The following TNN variants were observed in gnomAD, a reference collection of about 807,000 sequenced individuals.
TNN encodes tenascin N.
Under a neutral mutation model 134.4 loss-of-function variants are expected in TNN, and 122 were observed. The observed-to-expected ratio is 0.91, with a 90% CI of 0.78 to 1.06. The LOEUF (loss-of-function observed/expected upper bound fraction) is 1.06, where lower values mean the gene tolerates loss of function less well. TNN is among the 50% of genes least tolerant of loss of function. The pLI is 0.00. For missense variants in TNN, 1,739 were observed against 1,699.4 expected (o/e 1.02, Z -0.41); for synonymous variants, 710 against 670.3 (o/e 1.06, Z -0.91).
rs546539478 is a variant in TNN at position 175,101,337 on chromosome 1, C to T, written c.2119+2742C>T. Among the ~76,000 whole-genome samples, 461 of 151,984 alleles carry T rather than the reference C, an allele frequency of 3.0e-3. 2 individuals are homozygous for T. Among genetic ancestry groups the T allele is most frequent in the Admixed American group, 4.6e-3 (71 of 15,270 alleles). On this transcript the variant is annotated intron_variant, in intron 9 of 18. Transcript: ENST00000239462. Reference sequence around the variant, plus strand: ...AGTTGTTGGTTCCTCCCGGTGGGCTCGTGGTCTCGCTGGGCTCAGGAGTGA... The same window carrying T: ...AGTTGTTGGTTCCTCCCGGTGGGCTTGTGGTCTCGCTGGGCTCAGGAGTGA...
At chr1:175,112,956 C>A (rs1675073043) in intron 9 of TNN, among the ~76,000 whole-genome samples, 2 of 152,048 alleles carry the variant, frequency 1.3e-5, no homozygotes, top group Non-Finnish European at 2.9e-5. Flanking sequence ...GGAATTTAAT[C>A]CATTTACATC....
chr1:175,079,382 C>A lies in TNN; in HGVS notation c.459C>A (p.Cys153Ter). 1 of 1,598,650 alleles carries A rather than the reference C, an allele frequency of 6.3e-7. No individual in the cohort carries two copies. ...ACGGGACCTTCTCCCTGGAGACCTG[C>A]AGCTGCCACTGCGAAGAGGGCAGGG... is the stretch of plus-strand genomic sequence containing the variant. ...SGHGTFSLETCSCHCEEGREG... is the reference protein window; with the variant it reads ...SGHGTFSLET The change falls in exon 3 of 19, where the codon TGC becomes TGA. Residue 153 changes from cysteine (C) to a stop codon, truncating the protein, a stop_gained. Coordinates refer to ENST00000239462, the MANE Select transcript of TNN (RefSeq NM_022093.2). LOFTEE classifies it high-confidence loss of function.
intron 9 of TNN, among the ~76,000 whole-genome samples, chr1:175,115,761 C>A (rs1168533470): frequency 1.3e-5 from 2 of 152,126 alleles, no homozygotes. Flanking sequence ...CAGTTGTGTA[C>A]CTGTAGGCAG....
rs150465850 is a variant in TNN, at chr1:175,128,633, G to A, written c.3217G>A (p.Val1073Ile). 1.1e-3 allele frequency: 1,710 copies of A among 1,613,658 alleles called. 2 individuals are homozygous for A. In the Middle Eastern group the frequency reaches 0.013, roughly 12 times the overall value. Residue 1073 changes from valine (V) to isoleucine (I), a missense_variant, in exon 15 of 19, where the codon GTT becomes ATT. Physicochemically the swap from Val to Ile is conservative, Grantham distance 29. Coordinates refer to ENST00000239462, the MANE Select transcript of TNN (RefSeq NM_022093.2). The stretch of plus-strand genomic sequence containing the variant: ...CCCACACCCTTCGGACTGCAGTCAG[G>A]TTCAGCAGAACAGCAATGCCGCCAG... ...RFPHPSDCSQ[V>I]QQNSNAASGL...
chr1:175,135,116 G>T (rs551209828), intron 15 of TNN, among the ~76,000 whole-genome samples: 1 of 152,152 alleles, frequency 6.6e-6, no homozygotes, highest in South Asian at 2.1e-4. Context: ...ATGTCCTGGG[G>T]GTGGTTTCTT....
intron 1 of TNN, 98 bp downstream of exon 1, chr1:175,068,033 A>T (rs950012129): frequency 1.6e-5 from 7 of 434,140 alleles, no homozygotes; most frequent in African/African-American, 1.4e-4. Context: ...TCCGTTCCCG[A>T]GCCTGAAAAT....
rs143417033 is a variant in TNN, at chr1:175,110,746, T to G, written c.2120-6193T>G. Among the ~76,000 whole-genome samples the G allele has an allele frequency of 2.1e-3, 326 of 152,354 alleles. 2 individuals carry two copies. The highest frequency in any genetic ancestry group is 7.6e-3 in the African/African-American group (316 of 41,574). On this transcript the variant is annotated intron_variant, in intron 9 of 18. Transcript: ENST00000239462. ...CCTATGTGTCCGTTTTTATGCCAGGTCCAAGCTGTTTTGGTTACTGTAGCT... is the reference window on the plus strand; with the variant it reads ...CCTATGTGTCCGTTTTTATGCCAGGGCCAAGCTGTTTTGGTTACTGTAGCT...
rs749472964 is a variant in TNN, at chr1:175,094,006, C to T, written c.1341C>T (p.Thr447=). The T allele has an allele frequency of 9.4e-6, 15 of 1,601,360 alleles. No homozygotes were observed. In the South Asian group the frequency reaches 1.3e-4, roughly 14 times the overall value. Residue 447 remains threonine, a synonymous_variant, in exon 7 of 19, where the codon ACC becomes ACT. Transcript: ENST00000239462. ...TTTATGAAGAAATTGACAGTCCAAC[C>T]AATGTTGTCACTGATCGAGTGACTG... ...LNGRTEIDSP[T]NVVTDRVTED... is the part of the protein sequence containing the mutation.
rs1675793338 is a variant in TNN at position 175,135,869 on chromosome 1, C to T, written c.3355C>T (p.Gln1119Ter). Residue 1119 changes from glutamine (Q) to a stop codon, truncating the protein, a stop_gained, in exon 16 of 19, where the codon CAG becomes TAG. Transcript: ENST00000239462. LOFTEE classifies it high-confidence loss of function. ...GGTCTTCCAGAGGCGGAACACTGGGCAGCTGGATTTCTTCAAGCGATGGAG... is the reference window on the plus strand; with the variant it reads ...GGTCTTCCAGAGGCGGAACACTGGGTAGCTGGATTTCTTCAAGCGATGGAG... ...WIVFQRRNTG[Q>*]LDFFKRWRSY... The T allele has an allele frequency of 2.5e-6, 4 of 1,613,836 alleles. No homozygotes were observed. Among genetic ancestry groups the T allele is most frequent in the Non-Finnish European group, 2.5e-6 (3 of 1,179,806 alleles).
chr1:175,135,016 C>T (rs1294877760), intron 15 of TNN, among the ~76,000 whole-genome samples: 1 of 152,156 alleles, frequency 6.6e-6, no homozygotes, highest in Non-Finnish European at 1.5e-5. Flanking sequence ...TTCTCAGCCT[C>T]CCTTTCCATC....
At chr1:175,123,333 T>C (rs767663386) in intron 11 of TNN, 67 bp from the exon 12 acceptor site, 173 of 1,534,592 alleles carry the variant, frequency 1.1e-4, no homozygotes, top group Non-Finnish European at 1.5e-4. Flanking sequence ...CTCCTGGTGA[T>C]GAGGTGGTAA....
At chr1:175,075,763 C>T (rs555909843) in intron 1 of TNN, among the ~76,000 whole-genome samples, 2 of 152,308 alleles carry the variant, frequency 1.3e-5, no homozygotes, top group South Asian at 2.1e-4. Flanking sequence ...GTCATTCCCA[C>T]GTTACAGACA....
In TNN at chr1:175,147,552, G is replaced by A. The variant is rs1401527091; in HGVS notation, c.*481G>A. ...CCCATTGGGTTTTTAGGAAAACAGT[G>A]TGAACCTCCCCCTTTTAATTTCTGG... is the stretch of plus-strand genomic sequence containing the variant. On this transcript the variant is annotated 3_prime_UTR_variant, in exon 19 of 19. Transcript: ENST00000239462. 6.6e-6 allele frequency: 1 copy of A among 152,436 alleles called. No homozygotes were observed. The highest frequency in any genetic ancestry group is 1.5e-5 in the Non-Finnish European group (1 of 68,214). The allele number at this position is 152,436 out of a possible 1,614,324, so 9.4% of individuals were successfully genotyped here. A position where few individuals can be genotyped will look rare whatever the true frequency, so the allele number is the denominator to read the frequency against.
At chr1:175,139,355 T>G (rs933665187) in intron 17 of TNN, among the ~76,000 whole-genome samples, 9 of 151,758 alleles carry the variant, frequency 5.9e-5, no homozygotes, top group Non-Finnish European at 1.0e-4. Flanking sequence ...ATTCTGTAAG[T>G]TTTTTTTTCT....
chr1:175,121,984 A>T (rs541073754), intron 11 of TNN, among the ~76,000 whole-genome samples: 2 of 152,368 alleles, frequency 1.3e-5, no homozygotes, highest in African/African-American at 4.8e-5. Context: ...AGTTGTATAA[A>T]CTAGTCAGGG....
At chr1:175,118,532 T>C (rs780334346) in intron 10 of TNN, 29 bp from the exon 11 acceptor site, 2 of 1,610,796 alleles carry the variant, frequency 1.2e-6, no homozygotes, top group Non-Finnish European at 1.7e-6. Context: ...CTGTTCATAG[T>C]GCATATTGGT....
rs1324878490 is a variant in TNN, at chr1:175,137,003, T to C, written c.3595+15T>C. ...AGGCACGGCAGGTGAGAAAAAATGT[T>C]TTCTTACTGCGAAGGTCTCTTGCTG... On this transcript the variant is annotated intron_variant, in intron 17 of 18. Transcript: ENST00000239462. The C allele has an allele frequency of 1.2e-6, 2 of 1,613,228 alleles. No individual in the cohort carries two copies. Among genetic ancestry groups the C allele is most frequent in the African/African-American group, 2.7e-5 (2 of 74,892 alleles).
At chr1:175,129,267 C>T (rs1430540008) in intron 15 of TNN, among the ~76,000 whole-genome samples, 2 of 152,164 alleles carry the variant, frequency 1.3e-5, no homozygotes, top group African/African-American at 4.8e-5. Context: ...GATATCAGGA[C>T]ATTCCTAAGT....
intron 4 of TNN, among the ~76,000 whole-genome samples, chr1:175,083,277 T>C (rs754374313): frequency 2.6e-5 from 4 of 152,236 alleles, no homozygotes; most frequent in South Asian, 2.1e-4. Context: ...GGATTACCAA[T>C]GTTGTCCTTG....
Sources: allele counts gnomAD v4.1 joint callset (sites outside exome capture counted in the v4.1 genomes callset), GRCh38; gene constraint gnomAD v4.1.1; transcripts MANE v1.5; gene names NCBI Gene and HGNC (gene_info 2026-07-23, HGNC 2026-07-21).